Variants in KLRG1 observed in about 807,000 individuals in gnomAD.
KLRG1 encodes killer cell lectin-like receptor subfamily G member 1.
Under a neutral mutation model 21.8 loss-of-function variants are expected in KLRG1, and 16 were observed. That is an observed-to-expected ratio of 0.73 (90% CI 0.50 to 1.11). KLRG1 has a LOEUF of 1.11. Ranked by LOEUF, KLRG1 falls within the 50% of genes most tolerant of loss-of-function variation. The probability of loss-of-function intolerance (pLI) is 0.00; values close to 1 mark genes in which losing one functional copy is unlikely to be tolerated. For missense variants in KLRG1, 173 were observed against 218.3 expected (o/e 0.79, Z 1.31); for synonymous variants, 69 against 75.9 (o/e 0.91, Z 0.47).
At chr12:9,072,721 C>A in the KLRG1 span, 1 of 1,614,152 alleles carries the variant, frequency 6.2e-7, no homozygotes, top group Non-Finnish European at 8.5e-7. Flanking sequence ...GGCAATGAGA[C>A]CTGCTGCAGT....
At chr12:9,150,676 G>T in the KLRG1 span, 3 of 1,611,406 alleles carry the variant, frequency 1.9e-6, no homozygotes, top group South Asian at 2.2e-5. Flanking sequence ...TTTAACAATT[G>T]CTGGCTTCAA....
chr12:9,074,626 A>C, the KLRG1 span: 1 of 1,613,942 alleles, frequency 6.2e-7, no homozygotes, highest in Non-Finnish European at 8.5e-7. Flanking sequence ...TGTTGGTTGC[A>C]GAGGTCAGGT....
chr12:9,161,227 G>T, the KLRG1 span: 2 of 872,170 alleles, frequency 2.3e-6, no homozygotes, highest in South Asian at 1.9e-5. Context: ...TATGGTACTG[G>T]CCCTGCTTTG....
intron 3 of KLRG1, 123 bp from the exon 4 acceptor site, chr12:9,008,852 T>C (rs1947555145): frequency 1.5e-6 from 1 of 653,806 alleles, no homozygotes; most frequent in Non-Finnish European, 2.7e-6. Flanking sequence ...ATGGAGGCTG[T>C]AAGGAATGCT....
chr12:9,148,998 T>C, the KLRG1 span: 1 of 1,611,368 alleles, frequency 6.2e-7, no homozygotes, highest in African/African-American at 1.3e-5. Flanking sequence ...TCTGTATCTA[T>C]GGAGAAAAGA....
chr12:9,197,934 ATATAT>A, the KLRG1 span, among the ~76,000 whole-genome samples: 3,258 of 132,128 alleles, frequency 0.025, 139 homozygotes, highest in African/African-American at 0.086. Context: ...TAAGTTATCT[ATATAT>A]TATATTTATA....
At chr12:9,063,252 T>G in the KLRG1 span, among the ~76,000 whole-genome samples, 2 of 152,204 alleles carry the variant, frequency 1.3e-5, no homozygotes, top group African/African-American at 2.4e-5. Context: ...ACTCAAATAT[T>G]CTATTTCTTT....
At chr12:9,208,573 A>G in the KLRG1 span, among the ~76,000 whole-genome samples, 1 of 152,132 alleles carries the variant, frequency 6.6e-6, no homozygotes, top group Non-Finnish European at 1.5e-5. Context: ...CATGTCTGGA[A>G]GATAAAATTT....
the KLRG1 span, among the ~76,000 whole-genome samples, chr12:9,085,332 T>C: frequency 5.9e-5 from 9 of 151,754 alleles, no homozygotes; most frequent in Non-Finnish European, 8.8e-5. Context: ...CACAATACTA[T>C]GAAAACTAGA....
chr12:9,049,221 C>G, the KLRG1 span, among the ~76,000 whole-genome samples: 1 of 152,068 alleles, frequency 6.6e-6, no homozygotes, highest in East Asian at 1.9e-4. Flanking sequence ...GGTTCCAGGC[C>G]CAGCTGCTTG....
the KLRG1 span, among the ~76,000 whole-genome samples, chr12:9,097,632 CTTTTTT>C: frequency 2.4e-5 from 3 of 127,112 alleles, no homozygotes; most frequent in Non-Finnish European, 1.7e-5. Context: ...TGATGTAATT[CTTTTTT>C]TTTTTTTTTT....
intron 1 of KLRG1, among the ~76,000 whole-genome samples, chr12:8,964,578 T>C (rs1331931345): frequency 1.3e-5 from 2 of 151,916 alleles, no homozygotes; most frequent in East Asian, 3.9e-4. Context: ...TGAGTTCAAT[T>C]CCTGGGTATC....
chr12:9,005,600 G>A (rs929816604), intron 3 of KLRG1, among the ~76,000 whole-genome samples: 19 of 152,182 alleles, frequency 1.2e-4, no homozygotes, highest in African/African-American at 4.6e-4. Flanking sequence ...GGAGGTTAGG[G>A]AGAGTTATGT....
rs568935581 is a variant in KLRG1, at chr12:8,957,962, T to G, written c.-156+7726T>G. Among the ~76,000 whole-genome samples the G allele has an allele frequency of 9.9e-4, 151 of 152,382 alleles. 2 individuals are homozygous for G. In the South Asian group the frequency reaches 0.03, roughly 30 times the overall value. ...ACACCTGCAGATAAGGGTGGGGAAC[T>G]ATCGTATTTCTCATCTTATTCATTC... On this transcript the variant is annotated intron_variant, in intron 1 of 4. Transcript: ENST00000539240.
At chr12:9,102,158 A>T in the KLRG1 span, among the ~76,000 whole-genome samples, 1 of 152,208 alleles carries the variant, frequency 6.6e-6, no homozygotes, top group Non-Finnish European at 1.5e-5. Flanking sequence ...TTGGTTTAAG[A>T]GCTGAGCTGA....
chr12:9,125,215 G>A, the KLRG1 span, among the ~76,000 whole-genome samples: 3 of 152,204 alleles, frequency 2.0e-5, no homozygotes, highest in Non-Finnish European at 4.4e-5. Context: ...ACCTGCCTAC[G>A]GAGAGGAGCT....
the KLRG1 span, chr12:9,192,686 G>A: frequency 6.2e-7 from 1 of 1,613,926 alleles, no homozygotes. Flanking sequence ...CACCCTGGTG[G>A]TCTTCTGCTA....
the KLRG1 span, chr12:9,089,338 G>C: frequency 5.9e-5 from 56 of 953,420 alleles, no homozygotes; most frequent in Non-Finnish European, 9.2e-5. Context: ...TATTTGGATA[G>C]TGAAGAGAAG....
At chr12:9,208,485 C>A in the KLRG1 span, 7 of 615,222 alleles carry the variant, frequency 1.1e-5, no homozygotes, top group Non-Finnish European at 1.7e-5. Context: ...CAGAATTGAG[C>A]ACAGATTCCC....
Sources: allele counts gnomAD v4.1 joint callset (sites outside exome capture counted in the v4.1 genomes callset), GRCh38; gene constraint gnomAD v4.1.1; transcripts MANE v1.5; gene names NCBI Gene and HGNC (gene_info 2026-07-23, HGNC 2026-07-21).